The following BAZ2B variants were observed in gnomAD, a reference collection of about 807,000 sequenced individuals.
BAZ2B encodes the protein bromodomain adjacent to zinc finger domain protein 2B.
In BAZ2B, 91 loss-of-function variants were observed where a neutral mutation model predicts 246.0. The ratio of observed to expected loss-of-function variants is 0.37; its 90% confidence interval spans 0.31 to 0.44. BAZ2B has a LOEUF of 0.44. Ranked by LOEUF, BAZ2B falls within the 20% of genes least tolerant of loss-of-function variation. The pLI is 1.00. For synonymous variants in BAZ2B, 855 were observed against 860.0 expected (o/e 0.99, Z 0.10); for missense variants, 2,332 against 2,533.7 (o/e 0.92, Z 1.71).
At chr2:159,339,453 G>GA (rs1236853870) in intron 31 of BAZ2B, among the ~76,000 whole-genome samples, 1 of 152,022 alleles carries the variant, frequency 6.6e-6, no homozygotes, top group Non-Finnish European at 1.5e-5. Context: ...TTTCTACACT[G>GA]AAAAAAGTGA....
chr2:159,672,925 A>G, the BAZ2B span, among the ~76,000 whole-genome samples: 1 of 152,214 alleles, frequency 6.6e-6, no homozygotes, highest in African/African-American at 2.4e-5. Flanking sequence ...GAAAACATAT[A>G]TTAATTTCCT....
At chr2:159,456,936 A>T (rs1304941566) in intron 3 of BAZ2B, among the ~76,000 whole-genome samples, 3 of 152,222 alleles carry the variant, frequency 2.0e-5, no homozygotes, top group African/African-American at 7.2e-5. Context: ...TACATTTCAC[A>T]ATTTTACTAT....
At chr2:159,412,272 T>G (rs1402922160) in intron 14 of BAZ2B, 63 bp downstream of exon 14, 6 of 1,504,818 alleles carry the variant, frequency 4.0e-6, no homozygotes, top group Non-Finnish European at 5.5e-6. Flanking sequence ...TCAAAAATAT[T>G]AGAAATACTT....
At chr2:159,599,421 C>A (rs1379493356) in intron 1 of BAZ2B, among the ~76,000 whole-genome samples, 15 of 150,274 alleles carry the variant, frequency 1.0e-4, no homozygotes, top group Non-Finnish European at 3.0e-5. Flanking sequence ...GAGTTTGAGA[C>A]CAGCCTGACC....
rs114033309 is a variant in BAZ2B at position 159,469,416 on chromosome 2, C to T, written c.145+9159G>A. On this transcript the variant is annotated intron_variant, in intron 3 of 36. Transcript: ENST00000392783. Reference sequence around the variant, plus strand: ...AAAGATATCCTGAATTGTTCTATGCCTACATTTTTTACTTATTTTATTTAT... The same window carrying T: ...AAAGATATCCTGAATTGTTCTATGCTTACATTTTTTACTTATTTTATTTAT... 3.7e-3 allele frequency among the ~76,000 whole-genome samples: 556 copies of T among 151,956 alleles called. 1 individual carries two copies. The highest frequency in any genetic ancestry group is 0.013 in the African/African-American group (523 of 41,436).
intron 34 of BAZ2B, 105 bp from the exon 35 acceptor site, chr2:159,326,023 ACT>A (rs1201468417): frequency 1.8e-5 from 17 of 960,930 alleles, no homozygotes; most frequent in Admixed American, 7.2e-5. Flanking sequence ...AAAAAGAATA[ACT>A]CTGATCTAGA....
the BAZ2B span, among the ~76,000 whole-genome samples, chr2:159,623,297 G>T: frequency 6.6e-6 from 1 of 151,932 alleles, no homozygotes; most frequent in Non-Finnish European, 1.5e-5. Context: ...TTGAGCCTAG[G>T]TGTTTGAAGT....
chr2:159,360,572 T>TGAC (rs200555222), intron 27 of BAZ2B, among the ~76,000 whole-genome samples: 1 of 151,974 alleles, frequency 6.6e-6, no homozygotes, highest in Non-Finnish European at 1.5e-5. Context: ...AAGCTACCAC[T>TGAC]TTCTTCACAG....
intron 27 of BAZ2B, among the ~76,000 whole-genome samples, chr2:159,362,767 G>A (rs2059847149): frequency 6.6e-6 from 1 of 152,176 alleles, no homozygotes; most frequent in African/African-American, 2.4e-5. Flanking sequence ...GGTAAAGAGG[G>A]TTTCCAGTGG....
At chr2:159,626,534 C>T in the BAZ2B span, among the ~76,000 whole-genome samples, 14 of 152,264 alleles carry the variant, frequency 9.2e-5, no homozygotes, top group African/African-American at 3.4e-4. Context: ...CAAAACTGCA[C>T]AACTACATGG....
intron 8 of BAZ2B, 25 bp from the exon 9 acceptor site, chr2:159,433,388 A>G (rs1264872185): frequency 6.4e-7 from 1 of 1,572,832 alleles, no homozygotes. Context: ...GTTAAAAAAC[A>G]CAACAAAATG....
In BAZ2B at chr2:159,471,040, A is replaced by C. The variant is rs543725832; in HGVS notation, c.145+7535T>G. Among the ~76,000 whole-genome samples the C allele has an allele frequency of 6.6e-5, 10 of 152,202 alleles. No individual in the cohort carries two copies. The South Asian group carries it at 2.1e-3, about 32-fold the overall frequency. The stretch of plus-strand genomic sequence containing the variant: ...GAATCTGGGGGAAAAAAAAAACTTA[A>C]GAAGGAGTTGTATAAAAAAATTTAG... On this transcript the variant is annotated intron_variant, in intron 3 of 36. Transcript: ENST00000392783.
intron 1 of BAZ2B, among the ~76,000 whole-genome samples, chr2:159,582,673 C>G (rs1285394796): frequency 6.6e-6 from 1 of 152,164 alleles, no homozygotes; most frequent in Non-Finnish European, 1.5e-5. Context: ...GTGTAAGCCA[C>G]TGGGCCTGGA....
intron 1 of BAZ2B, among the ~76,000 whole-genome samples, chr2:159,612,819 CA>C (rs1694983011): frequency 6.6e-6 from 1 of 152,094 alleles, no homozygotes; most frequent in African/African-American, 2.4e-5. Context: ...TAAGAAAAAG[CA>C]ACACATCAGG....
intron 1 of BAZ2B, among the ~76,000 whole-genome samples, chr2:159,575,774 G>A (rs1416827662): frequency 8.5e-5 from 13 of 152,200 alleles, no homozygotes; most frequent in African/African-American, 3.1e-4. Flanking sequence ...TAAAACTCTT[G>A]AAGTGATACT....
intron 2 of BAZ2B, among the ~76,000 whole-genome samples, chr2:159,501,232 A>AT (rs1379588005): frequency 2.6e-5 from 3 of 116,468 alleles, no homozygotes; most frequent in Non-Finnish European, 5.1e-5. Flanking sequence ...ATATTTATAT[A>AT]TATATATATA....
At position 159,478,734 on chromosome 2, in the gene BAZ2B, A is replaced by G. The variant is rs2078914083; in HGVS notation, c.-2-13T>C. Reference sequence around the variant, plus strand: ...CCAGACTCCATATCTATGAGAAGGGAAAATGTTAATTCTCAGTATCAGATA... The same window carrying G: ...CCAGACTCCATATCTATGAGAAGGGGAAATGTTAATTCTCAGTATCAGATA... On this transcript the variant is annotated splice_polypyrimidine_tract_variant and intron_variant, in intron 2 of 36. Transcript: ENST00000392783. 2 of 1,485,548 alleles carry G rather than the reference A, an allele frequency of 1.3e-6. No homozygotes were observed. Among genetic ancestry groups the G allele is most frequent in the East Asian group, 2.5e-5 (1 of 40,230 alleles). 92.0% of individuals were successfully genotyped at this position (1,485,548 alleles called of 1,614,324 possible).
intron 24 of BAZ2B, 30 bp from the exon 25 acceptor site, chr2:159,382,832 G>GA (rs1415070986): frequency 1.3e-6 from 2 of 1,588,146 alleles, no homozygotes; most frequent in Non-Finnish European, 1.7e-6. Flanking sequence ...TGATGACAAG[G>GA]AAAAAAAGAC....
intron 2 of BAZ2B, among the ~76,000 whole-genome samples, chr2:159,483,671 C>T (rs149902237): frequency 0.016 from 2,412 of 152,168 alleles, 30 homozygotes; most frequent in Non-Finnish European, 0.023. Flanking sequence ...ATCCCAGCTA[C>T]TCGGGAGGCT....
Sources: gnomAD v4.1 joint callset for allele counts (sites outside exome capture counted in the v4.1 genomes callset) on GRCh38, gnomAD v4.1.1 for gene constraint, MANE v1.5 for transcripts, NCBI Gene and HGNC (gene_info 2026-07-23, HGNC 2026-07-21) for gene names.